OFD1: variants seen among roughly 807,000 people sequenced by gnomAD.
OFD1 encodes centriole and centriolar satellite protein OFD1.
In OFD1, 12 loss-of-function variants were observed where a neutral mutation model predicts 81.4. The observed-to-expected ratio is 0.15, with a 90% CI of 0.09 to 0.24. The LOEUF is 0.24. Ranked by LOEUF, OFD1 falls within the 10% of genes least tolerant of loss-of-function variation. OFD1 has a pLI of 1.00. For synonymous variants in OFD1, 256 were observed against 263.7 expected (o/e 0.97, Z 0.28); for missense variants, 685 against 733.9 (o/e 0.93, Z 0.77).
chrX:13,772,781 T>C (rs1437389139), downstream of OFD1: 1 of 787,330 alleles, frequency 1.3e-6, no homozygotes, highest in Non-Finnish European at 1.8e-6. Context: ...TGTTTGTACA[T>C]CTACATTAGT....
intron 6 of OFD1, among the ~76,000 whole-genome samples, chrX:13,745,488 G>C (rs1466159631): frequency 8.9e-6 from 1 of 112,020 alleles, no homozygotes; most frequent in Non-Finnish European, 1.9e-5. Context: ...GTTGAGTCTG[G>C]TCACATTTGA....
At chrX:13,743,162 AAC>A (rs1569115414) in intron 5 of OFD1, among the ~76,000 whole-genome samples, 1 of 112,524 alleles carries the variant, frequency 8.9e-6, no homozygotes, top group African/African-American at 3.2e-5. Context: ...AACTAGAATT[AAC>A]AGTTTCACTC....
Position 13,762,340 on chromosome X carries a change from C to T in OFD1, c.2388-4C>T. ...ACTTCACGAGTTTTATCCTTCCAATCTAGTCTTTATCGAAGACAAACTGAA... is the reference window on the plus strand; with the variant it reads ...ACTTCACGAGTTTTATCCTTCCAATTTAGTCTTTATCGAAGACAAACTGAA... On this transcript the variant is annotated splice_region_variant and splice_polypyrimidine_tract_variant and intron_variant, in intron 17 of 22. Coordinates refer to ENST00000340096, the MANE Select transcript of OFD1 (RefSeq NM_003611.3). The T allele has an allele frequency of 8.7e-7, 1 of 1,143,514 alleles. No individual in the cohort carries two copies. Among genetic ancestry groups the T allele is most frequent in the Non-Finnish European group, 1.2e-6 (1 of 833,470 alleles). 94.2% of individuals were successfully genotyped at this position (1,143,514 alleles called of 1,213,427 possible).
the OFD1 span, among the ~76,000 whole-genome samples, chrX:13,717,067 A>AAAAAAAAAAAGG: frequency 1.0e-5 from 1 of 95,479 alleles, no homozygotes; most frequent in African/African-American, 4.0e-5. Context: ...AAAAAAAACA[A>AAAAAAAAAAAGG]GATCCTGTGG....
upstream of OFD1, among the ~76,000 whole-genome samples, chrX:13,731,607 C>T (rs1480485447): frequency 9.0e-6 from 1 of 111,577 alleles, no homozygotes. Flanking sequence ...GCAGATACAC[C>T]ATTCGTCTCA....
rs373706613 is a variant in OFD1 at position 13,760,289 on chromosome X, A to G, written c.1829A>G (p.Asn610Ser). Residue 610 changes from asparagine to serine, a missense_variant, in exon 16 of 23, where the codon AAT (asparagine) becomes AGT (serine). Asn to Ser is a conservative substitution (Grantham distance 46). Around this residue, in one of 3 missense-constraint regions of OFD1, gnomAD observed 414 missense variants for 447.2 expected, o/e 0.93. Transcript: ENST00000340096. ...CGTATGGTTGCATCAAGGATCACAA[A>G]TTATCCAACTGCATGGGTGGAGGGT... Reference protein sequence around the residue: ...LARMVASRITNYPTAWVEGSS... With the variant: ...LARMVASRITSYPTAWVEGSS... 4.1e-6 allele frequency: 5 copies of G among 1,211,921 alleles called. No individual in the cohort carries two copies. Among genetic ancestry groups the G allele is most frequent in the Non-Finnish European group, 5.6e-6 (5 of 895,430 alleles).
intron 7 of OFD1, 121 bp from the exon 8 acceptor site, chrX:13,746,652 TAAAACTA>T: frequency 1.4e-6 from 1 of 690,665 alleles, no homozygotes. Flanking sequence ...GTGAATGAGA[TAAAACTA>T]ACATGAAATA....
chrX:13,745,623 A>G (rs1393734726), intron 6 of OFD1, among the ~76,000 whole-genome samples: 1 of 111,992 alleles, frequency 8.9e-6, no homozygotes, highest in Non-Finnish European at 1.9e-5. Flanking sequence ...CGATGTTTTA[A>G]TCTACTTCTG....
the OFD1 span, among the ~76,000 whole-genome samples, chrX:13,726,550 AATG>A: frequency 1.3e-4 from 15 of 111,854 alleles, no homozygotes; most frequent in African/African-American, 4.9e-4. Context: ...CAGAGAAGGA[AATG>A]ATGAGAGATT....
At chrX:13,742,250 A>G (rs1041727967) in intron 5 of OFD1, among the ~76,000 whole-genome samples, 17 of 112,109 alleles carry the variant, frequency 1.5e-4, no homozygotes, top group African/African-American at 5.5e-4. Flanking sequence ...AGTCTTTTCA[A>G]CAAGTGGTGC....
downstream of OFD1, chrX:13,771,714 T>A (rs1156638594): frequency 8.9e-6 from 1 of 112,490 alleles, no homozygotes; most frequent in Non-Finnish European, 1.9e-5. Context: ...TACAGTCACT[T>A]AATGTTCTGG....
At position 13,746,380 on chromosome X, in the gene OFD1, C is replaced by T. The variant is rs780256374; in HGVS notation, c.579C>T (p.Phe193=). The T allele has an allele frequency of 1.5e-5, 18 of 1,203,885 alleles. No individual in the cohort carries two copies. The highest frequency in any genetic ancestry group is 5.4e-4 in the Middle Eastern group (2 of 3,723). Residue 193 remains phenylalanine (F), a synonymous_variant, in exon 7 of 23, where the codon TTC becomes TTT. Transcript: ENST00000340096. The part of the protein sequence containing the change: ...FADAYPQRIK[F]ESLEIKLNEY... ...ATGCTTACCCTCAGCGTATCAAGTT[C>T]GAATCTTTAGAAATAAAGCTAAATG...
At chrX:13,735,738 ACTGCT>A (rs1346874441) in intron 2 of OFD1, among the ~76,000 whole-genome samples, 1 of 112,328 alleles carries the variant, frequency 8.9e-6, no homozygotes, top group African/African-American at 3.2e-5. Flanking sequence ...ATACTAGTGT[ACTGCT>A]TAATAATAGT....
At chrX:13,746,276 A>G in intron 6 of OFD1, 43 bp from the exon 7 acceptor site, 1 of 1,178,561 alleles carries the variant, frequency 8.5e-7, no homozygotes, top group Non-Finnish European at 1.2e-6. Flanking sequence ...TACGCACCTG[A>G]CGATGTTTCT....
At chrX:13,755,317 C>A in intron 12 of OFD1, 75 bp downstream of exon 12, 1 of 710,241 alleles carries the variant, frequency 1.4e-6, no homozygotes, top group Non-Finnish European at 2.2e-6. Context: ...ATAATTTATC[C>A]TAAGTCATCC....
chrX:13,720,135 A>T, the OFD1 span: 3 of 333,341 alleles, frequency 9.0e-6, no homozygotes, highest in East Asian at 1.4e-4. Context: ...ACTAGCGAAG[A>T]TACGTAGCTT....
chrX:13,769,643 A>ACC (rs200483295), downstream of OFD1, among the ~76,000 whole-genome samples: 286 of 110,398 alleles, frequency 2.6e-3, 1 homozygote, highest in South Asian at 5.4e-3. Context: ...TGGAATTTAA[A>ACC]CCCCCCCGTG....
chrX:13,767,372 G>A, intron 20 of OFD1, 88 bp downstream of exon 20: 1 of 993,339 alleles, frequency 1.0e-6, no homozygotes, highest in Non-Finnish European at 1.4e-6. Context: ...GAGTCAATTG[G>A]TGTACAAAGT....
chrX:13,763,795 G>A lies in OFD1; in HGVS notation c.2539G>A (p.Gly847Arg), dbSNP rs1178559792. Residue 847 changes from glycine (G) to arginine (R), a missense_variant, in exon 19 of 23, where the codon GGG becomes AGG. Around this residue, in one of 3 missense-constraint regions of OFD1, gnomAD observed 259 missense variants for 254.4 expected, o/e 1.02. Coordinates refer to ENST00000340096, the MANE Select transcript of OFD1 (RefSeq NM_003611.3). The stretch of plus-strand genomic sequence containing the variant: ...GGAAATGGGCGGGCTTTCTCCTGCC[G>A]GGGATATGTCTCATGTGGACGCTGC... Reference protein sequence around the residue: ...QLEMGGLSPAGDMSHVDAAAA... With the variant: ...QLEMGGLSPARDMSHVDAAAA... 5.0e-6 allele frequency: 6 copies of A among 1,209,438 alleles called. No homozygotes were observed. Among genetic ancestry groups the A allele is most frequent in the Non-Finnish European group, 6.7e-6 (6 of 895,021 alleles).
Sources: gnomAD v4.1 joint callset for allele counts (sites outside exome capture counted in the v4.1 genomes callset) on GRCh38, gnomAD v4.1.1 for gene constraint, gnomAD v4.1.1 regional missense constraint, MANE v1.5 for transcripts, NCBI Gene and HGNC (gene_info 2026-07-23, HGNC 2026-07-21) for gene names.